Variants in KLF12 observed in about 807,000 individuals in gnomAD.
KLF12 encodes the protein Krueppel-like factor 12.
KLF12 carries 9 observed loss-of-function variants against 37.8 expected under a neutral mutation model. The ratio of observed to expected loss-of-function variants is 0.24; its 90% CI spans 0.14 to 0.42. The LOEUF is 0.42. KLF12 is among the 10% of genes least tolerant of loss of function. The pLI is 1.00. For missense variants in KLF12, 411 were observed against 516.0 expected (o/e 0.80, Z 1.97); for synonymous variants, 208 against 202.1 (o/e 1.03, Z -0.25).
At chr13:74,118,863 T>C (rs995344856) in intron 1 of KLF12, among the ~76,000 whole-genome samples, 2 of 150,930 alleles carry the variant, frequency 1.3e-5, no homozygotes, top group African/African-American at 4.9e-5. Flanking sequence ...GAAAAAATAA[T>C]GAAAGAAAAG....
At chr13:73,780,229 ATTTCTTT>A (rs1880872951) in intron 5 of KLF12, among the ~76,000 whole-genome samples, 1 of 152,166 alleles carries the variant, frequency 6.6e-6, no homozygotes, top group Non-Finnish European at 1.5e-5. Context: ...AGATGAAGTC[ATTTCTTT>A]TTTCTTTTTT....
chr13:73,723,118 G>A (rs938142278), intron 6 of KLF12, among the ~76,000 whole-genome samples: 44 of 152,170 alleles, frequency 2.9e-4, no homozygotes, highest in Middle Eastern at 3.4e-3. Context: ...AGAAAAAAAC[G>A]AATCATTAAC....
intron 1 of KLF12, among the ~76,000 whole-genome samples, chr13:74,123,855 G>A (rs1877782147): frequency 6.6e-6 from 1 of 152,162 alleles, no homozygotes; most frequent in Non-Finnish European, 1.5e-5. Flanking sequence ...TTGGCAATTA[G>A]GGTTCTAGTT....
chr13:73,901,855 G>A (rs1888057590), intron 3 of KLF12, among the ~76,000 whole-genome samples: 1 of 152,106 alleles, frequency 6.6e-6, no homozygotes, highest in Admixed American at 6.6e-5. Context: ...ATTAATTGAG[G>A]GTAGGGATCT....
intron 2 of KLF12, among the ~76,000 whole-genome samples, chr13:73,978,469 G>T (rs144668785): frequency 8.5e-5 from 13 of 152,342 alleles, no homozygotes; most frequent in Non-Finnish European, 1.5e-4. Context: ...ATGTTGGCGA[G>T]CATGTGGAGC....
At chr13:74,046,777 GA>G (rs1329569923) in intron 1 of KLF12, among the ~76,000 whole-genome samples, 2 of 152,088 alleles carry the variant, frequency 1.3e-5, no homozygotes, top group African/African-American at 4.8e-5. Flanking sequence ...CAAATGTTAT[GA>G]TTTTTTTAAC....
chr13:74,095,401 CT>C (rs34711971), intron 1 of KLF12, among the ~76,000 whole-genome samples: 89,926 of 149,774 alleles, frequency 0.6, 27,268 homozygotes, highest in East Asian at 0.86. Flanking sequence ...TTTTTTTTTC[CT>C]TTTGGAGACA....
chr13:73,696,271 G>A (rs1874143990), intron 7 of KLF12, among the ~76,000 whole-genome samples: 1 of 152,114 alleles, frequency 6.6e-6, no homozygotes, highest in Admixed American at 6.6e-5. Flanking sequence ...TGCCTTAATA[G>A]TGTAAAGTTT....
the KLF12 span, among the ~76,000 whole-genome samples, chr13:74,194,389 A>T: frequency 6.6e-6 from 1 of 152,086 alleles, no homozygotes; most frequent in Non-Finnish European, 1.5e-5. Context: ...AGAGATATTT[A>T]TTTTCTCACA....
At position 73,894,127 on chromosome 13, in the gene KLF12, T is replaced by C. The variant is rs116321740; in HGVS notation, c.124-47754A>G. On this transcript the variant is annotated intron_variant, in intron 3 of 7. Transcript: ENST00000377669. ...TGTAGTTGTCTGTCAATGCCTTCCA[T>C]TGGCTGAACCTACTTGGAGGCAAGT... Among the ~76,000 whole-genome samples, 1,495 of 152,290 alleles carry C rather than the reference T, an allele frequency of 9.8e-3. 22 individuals carry two copies. The highest frequency in any genetic ancestry group is 0.034 in the African/African-American group (1,416 of 41,550).
chr13:73,946,481 G>C (rs1166515518), intron 2 of KLF12, among the ~76,000 whole-genome samples: 1 of 152,094 alleles, frequency 6.6e-6, no homozygotes, highest in South Asian at 2.1e-4. Flanking sequence ...ACACATTTAA[G>C]TATCACTATA....
intron 2 of KLF12, among the ~76,000 whole-genome samples, chr13:73,974,925 A>G (rs1344083952): frequency 1.3e-5 from 2 of 152,176 alleles, no homozygotes; most frequent in Non-Finnish European, 2.9e-5. Context: ...AGGTTTCTTA[A>G]TTTTCCAGAG....
intron 1 of KLF12, among the ~76,000 whole-genome samples, chr13:74,014,430 G>A (rs979302601): frequency 1.3e-5 from 2 of 152,168 alleles, no homozygotes; most frequent in Non-Finnish European, 2.9e-5. Flanking sequence ...CTGTAGTTTA[G>A]GGTACTAAGG....
chr13:73,705,952 G>C (rs1039815192), intron 7 of KLF12, among the ~76,000 whole-genome samples: 1 of 152,126 alleles, frequency 6.6e-6, no homozygotes, highest in African/African-American at 2.4e-5. Flanking sequence ...ATGAGATCGA[G>C]ACCATCCTGT....
the KLF12 span, among the ~76,000 whole-genome samples, chr13:74,237,379 G>T: frequency 1.3e-4 from 19 of 144,342 alleles, no homozygotes; most frequent in Non-Finnish European, 2.4e-4. Flanking sequence ...GTAGTGTGAT[G>T]CCTCCAGCTT....
intron 2 of KLF12, among the ~76,000 whole-genome samples, chr13:73,973,957 C>T (rs1345849467): frequency 3.3e-5 from 5 of 151,640 alleles, no homozygotes; most frequent in African/African-American, 7.3e-5. Flanking sequence ...ACTCAGTACT[C>T]GTAAACACAA....
intron 2 of KLF12, among the ~76,000 whole-genome samples, chr13:73,967,119 C>T (rs967117565): frequency 6.6e-6 from 1 of 152,110 alleles, no homozygotes; most frequent in Non-Finnish European, 1.5e-5. Flanking sequence ...TAACACTTCC[C>T]AAATCCATAA....
intron 3 of KLF12, among the ~76,000 whole-genome samples, chr13:73,913,673 C>T (rs1373442329): frequency 6.6e-6 from 1 of 152,104 alleles, no homozygotes; most frequent in Admixed American, 6.6e-5. Context: ...ACCAAAGTAA[C>T]AAATTTAAAC....
intron 1 of KLF12, among the ~76,000 whole-genome samples, chr13:74,015,813 T>C (rs778148389): frequency 1.3e-5 from 2 of 152,184 alleles, no homozygotes; most frequent in Non-Finnish European, 2.9e-5. Context: ...TATGCTTTCA[T>C]TGGACTCTCT....
Sources: allele counts gnomAD v4.1 joint callset (sites outside exome capture counted in the v4.1 genomes callset), GRCh38; gene constraint gnomAD v4.1.1; transcripts MANE v1.5; gene names NCBI Gene and HGNC (gene_info 2026-07-23, HGNC 2026-07-21).